The following MYO18B variants were observed in gnomAD, a reference collection of about 807,000 sequenced individuals.
MYO18B encodes the protein myosin XVIIIB.
In MYO18B, 204 loss-of-function variants were observed where a neutral mutation model predicts 273.0. The observed-to-expected ratio is 0.75, with a 90% CI of 0.67 to 0.84. The LOEUF is 0.84. Among genes scored for constraint, MYO18B ranks in the 40% least tolerant of loss-of-function variants. The probability of loss-of-function intolerance (pLI) is 0.00; values close to 1 mark genes in which losing one functional copy is unlikely to be tolerated. For missense variants in MYO18B, 3,212 were observed against 3,287.6 expected (o/e 0.98, Z 0.56); for synonymous variants, 1,330 against 1,305.7 (o/e 1.02, Z -0.40).
At chr22:25,835,005 C>T (rs1408942774) in intron 16 of MYO18B, among the ~76,000 whole-genome samples, 1 of 152,204 alleles carries the variant, frequency 6.6e-6, no homozygotes, top group Non-Finnish European at 1.5e-5. Context: ...AAGGTATTTT[C>T]AGTCTCCATT....
chr22:25,872,783 C>A (rs772995016), intron 22 of MYO18B, among the ~76,000 whole-genome samples: 8 of 152,034 alleles, frequency 5.3e-5, no homozygotes, highest in Non-Finnish European at 1.0e-4. Context: ...TAGTCCAGTT[C>A]CAAAACACAG....
intron 34 of MYO18B, among the ~76,000 whole-genome samples, chr22:25,934,048 A>AT (rs1329288761): frequency 4.6e-5 from 7 of 152,164 alleles, no homozygotes; most frequent in African/African-American, 1.7e-4. Context: ...GAAGGAGAAT[A>AT]TTTTTTATTC....
At chr22:25,792,123 C>T (rs2087688258) in intron 11 of MYO18B, among the ~76,000 whole-genome samples, 1 of 152,180 alleles carries the variant, frequency 6.6e-6, no homozygotes, top group Non-Finnish European at 1.5e-5. Context: ...TAAAGCAACA[C>T]CCTTGGATGA....
chr22:25,822,242 G>A lies in MYO18B; in HGVS notation c.2522-1263G>A, dbSNP rs576734471. Among the ~76,000 whole-genome samples the A allele has an allele frequency of 1.5e-4, 23 of 152,162 alleles. No homozygotes were observed. In the East Asian group the frequency reaches 3.3e-3, roughly 22 times the overall value. On this transcript the variant is annotated intron_variant, in intron 12 of 43. Coordinates refer to ENST00000335473, the MANE Select transcript of MYO18B (RefSeq NM_032608.7). ...CCTCCTTCAACCTCTGAAGCACTTC[G>A]CTGGTTCTTTATGTAGTACCTCCTT...
At chr22:25,758,666 GAGAGT>G (rs1307383108) in intron 1 of MYO18B, among the ~76,000 whole-genome samples, 1 of 152,130 alleles carries the variant, frequency 6.6e-6, no homozygotes, top group East Asian at 1.9e-4. Flanking sequence ...TATAGGGATA[GAGAGT>G]AGATTTGTGG....
intron 43 of MYO18B, among the ~76,000 whole-genome samples, chr22:26,030,057 C>A (rs1350242289): frequency 6.6e-6 from 1 of 152,148 alleles, no homozygotes; most frequent in Non-Finnish European, 1.5e-5. Flanking sequence ...CCACCCCATT[C>A]ATTGTCTCTA....
At chr22:26,044,007 G>T in the MYO18B span, among the ~76,000 whole-genome samples, 1 of 152,078 alleles carries the variant, frequency 6.6e-6, no homozygotes, top group Non-Finnish European at 1.5e-5. Context: ...TGATGATGTT[G>T]GTCTTTTTAG....
At chr22:25,966,128 C>A (rs1041169863) in intron 39 of MYO18B, among the ~76,000 whole-genome samples, 2 of 152,108 alleles carry the variant, frequency 1.3e-5, no homozygotes, top group African/African-American at 4.8e-5. Flanking sequence ...ACATAACTGT[C>A]CCCAAAAGCA....
intron 39 of MYO18B, among the ~76,000 whole-genome samples, chr22:25,973,011 A>G (rs1036792599): frequency 6.6e-5 from 10 of 151,070 alleles, no homozygotes; most frequent in Non-Finnish European, 1.2e-4. Context: ...GATCTCACCC[A>G]CACAATCCAC....
At chr22:26,060,918 TAC>T in the MYO18B span, among the ~76,000 whole-genome samples, 4 of 151,870 alleles carry the variant, frequency 2.6e-5, no homozygotes, top group South Asian at 2.1e-4. Flanking sequence ...AACATACATA[TAC>T]ACACATACAT....
At chr22:25,855,800 A>C (rs1430786289) in intron 21 of MYO18B, among the ~76,000 whole-genome samples, 1 of 151,036 alleles carries the variant, frequency 6.6e-6, no homozygotes, top group African/African-American at 2.4e-5. Flanking sequence ...ATGTACAAAT[A>C]TCTCTTGAAG....
At chr22:25,963,960 G>T (rs892874616) in intron 39 of MYO18B, 4 of 152,138 alleles carry the variant, frequency 2.6e-5, no homozygotes, top group African/African-American at 9.7e-5. Context: ...TGCAGTGCCC[G>T]TGAGTGGATG....
intron 42 of MYO18B, among the ~76,000 whole-genome samples, chr22:26,018,424 C>T (rs1250995301): frequency 6.6e-6 from 1 of 152,136 alleles, no homozygotes; most frequent in East Asian, 1.9e-4. Context: ...CCCCAGCACC[C>T]TCCTTGCTTT....
chr22:25,928,189 T>G (rs1344909156), intron 34 of MYO18B, among the ~76,000 whole-genome samples: 1 of 151,996 alleles, frequency 6.6e-6, no homozygotes, highest in Non-Finnish European at 1.5e-5. Context: ...TGAGCTTGGC[T>G]GAGGAGCTTC....
In MYO18B at chr22:25,899,311, T is replaced by C. The variant is rs183647938; in HGVS notation, c.4823+850T>C. The stretch of plus-strand genomic sequence containing the variant: ...CCAGCTCACTCGGTGAGGGGAAAGG[T>C]ATACAGGGGTCCTGTTTTGAGCCAG... On this transcript the variant is annotated intron_variant, in intron 29 of 43. Transcript: ENST00000335473. 16 of 152,296 alleles carry C rather than the reference T, an allele frequency of 1.1e-4. No homozygotes were observed. The East Asian group carries it at 2.7e-3, about 26-fold the overall frequency. The allele number at this position is 152,296 out of a possible 1,614,324, so 9.4% of individuals were successfully genotyped here. A position where few individuals can be genotyped will look rare whatever the true frequency, so the allele number is the denominator to read the frequency against.
At chr22:25,990,734 AAAAAG>A (rs1601773317) in intron 39 of MYO18B, among the ~76,000 whole-genome samples, 2 of 103,518 alleles carry the variant, frequency 1.9e-5, no homozygotes, top group African/African-American at 8.8e-5. Context: ...AAAGAAAAAA[AAAAAG>A]ACTCCAGGCT....
At chr22:26,059,340 A>C in the MYO18B span, among the ~76,000 whole-genome samples, 5 of 152,324 alleles carry the variant, frequency 3.3e-5, no homozygotes, top group South Asian at 8.3e-4. Flanking sequence ...ATGTGGAGTG[A>C]ATGAGACGGA....
chr22:25,933,478 C>G (rs1258092356), intron 34 of MYO18B, among the ~76,000 whole-genome samples: 1 of 152,210 alleles, frequency 6.6e-6, no homozygotes, highest in Admixed American at 6.5e-5. Flanking sequence ...CTTCTGTCTT[C>G]CCATGTTTCT....
At chr22:26,059,024 T>A in the MYO18B span, among the ~76,000 whole-genome samples, 1 of 152,210 alleles carries the variant, frequency 6.6e-6, no homozygotes, top group Non-Finnish European at 1.5e-5. Flanking sequence ...TTCACCTTTT[T>A]AAAATAAGTG....
Sources: allele counts gnomAD v4.1 joint callset (sites outside exome capture counted in the v4.1 genomes callset), GRCh38; gene constraint gnomAD v4.1.1; transcripts MANE v1.5; gene names NCBI Gene and HGNC (gene_info 2026-07-23, HGNC 2026-07-21).